Variants in FGF12 observed in about 807,000 individuals in gnomAD.
FGF12 encodes the protein fibroblast growth factor 12B.
FGF12 carries 14 observed loss-of-function variants against 23.6 expected under a neutral mutation model. The observed-to-expected ratio is 0.59, with a 90% CI of 0.39 to 0.93. The LOEUF is 0.93. FGF12 is among the 40% of genes least tolerant of loss of function. The pLI is 0.00. For synonymous variants in FGF12, 62 were observed against 77.3 expected (o/e 0.80, Z 1.04); for missense variants, 175 against 217.8 (o/e 0.80, Z 1.24).
intron 4 of FGF12, among the ~76,000 whole-genome samples, chr3:192,296,836 G>A (rs1202765290): frequency 6.6e-5 from 10 of 152,098 alleles, no homozygotes; most frequent in Admixed American, 4.6e-4. Flanking sequence ...AACATGTGGA[G>A]TACTTAGTTT....
chr3:192,336,621 G>A lies in FGF12; in HGVS notation c.125-1157C>T, dbSNP rs1717430827. ...TCTCTGCAGTTCATTTCAGTATCCT[G>A]GCTTAATTAGAAGTTCTTATCCACT... On this transcript the variant is annotated intron_variant, in intron 3 of 5. Coordinates refer to ENST00000445105, the MANE Select transcript of FGF12 (RefSeq NM_004113.6). This position sits in a 1 kb window ranked among gnomAD's most constrained non-coding sequence, Gnocchi z 4.3. Among the ~76,000 whole-genome samples, 3 of 152,066 alleles carry A rather than the reference G, an allele frequency of 2.0e-5. No individual in the cohort carries two copies. The highest frequency in any genetic ancestry group is 6.6e-5 in the Admixed American group (1 of 15,250).
At chr3:192,424,838 T>A (rs1721644545) in intron 2 of FGF12, among the ~76,000 whole-genome samples, 1 of 152,100 alleles carries the variant, frequency 6.6e-6, no homozygotes, top group Admixed American at 6.6e-5. Context: ...AACTTTGCAA[T>A]AGGCCATGTT....
intron 2 of FGF12, among the ~76,000 whole-genome samples, chr3:192,655,877 G>C (rs4687351): frequency 6.6e-6 from 1 of 151,268 alleles, no homozygotes; most frequent in Non-Finnish European, 1.5e-5. Context: ...ATGGGAAGAG[G>C]TGAACACAAG....
intron 2 of FGF12, among the ~76,000 whole-genome samples, chr3:192,596,972 A>G (rs899962710): frequency 6.6e-6 from 1 of 152,216 alleles, no homozygotes; most frequent in Non-Finnish European, 1.5e-5. Flanking sequence ...TTGACCAGCT[A>G]TGATACCTTG....
intron 2 of FGF12, among the ~76,000 whole-genome samples, chr3:192,498,417 T>C (rs998829604): frequency 1.3e-5 from 2 of 152,254 alleles, no homozygotes; most frequent in African/African-American, 4.8e-5. Context: ...TGATGTTCAT[T>C]AATGTGGTTG....
In FGF12 at chr3:192,335,463, A is replaced by G; in HGVS notation, c.126T>C (p.Thr42=). The G allele has an allele frequency of 6.2e-7, 1 of 1,603,414 alleles. No homozygotes were observed. Among genetic ancestry groups the G allele is most frequent in the Non-Finnish European group, 8.5e-7 (1 of 1,170,670 alleles). The change falls in exon 4 of 6, where the codon ACT becomes ACC. Residue 42 remains threonine, a splice_region_variant and synonymous_variant. Transcript: ENST00000445105. ...DGTKDENSDY[T]LFNLIPVGLR... is the part of the protein sequence containing the mutation. ...GGCCCACGGGAATTAGATTGAAGAG[A>G]GCTGGGGGGAGAAAAAGAAGGGCGG...
intron 2 of FGF12, among the ~76,000 whole-genome samples, chr3:192,370,097 A>T (rs57958468): frequency 6.6e-6 from 1 of 152,146 alleles, no homozygotes; most frequent in African/African-American, 2.4e-5. Context: ...GGTGAAGGAA[A>T]TATGGGGGTG....
chr3:192,481,902 G>C (rs1401367909), intron 2 of FGF12, among the ~76,000 whole-genome samples: 7 of 152,154 alleles, frequency 4.6e-5, no homozygotes. Context: ...CCTATAGTCA[G>C]AGAATAATAA....
At chr3:192,660,416 T>C (rs565470436) in intron 2 of FGF12, among the ~76,000 whole-genome samples, 5 of 147,220 alleles carry the variant, frequency 3.4e-5, no homozygotes, top group Admixed American at 2.0e-4. Flanking sequence ...TGTTAAATGA[T>C]GAGTTAATGG....
intron 2 of FGF12, among the ~76,000 whole-genome samples, chr3:192,507,600 C>T (rs1724353406): frequency 6.6e-6 from 1 of 152,124 alleles, no homozygotes; most frequent in South Asian, 2.1e-4. Context: ...TCTCCATATT[C>T]CGTACCATGG....
intron 2 of FGF12, among the ~76,000 whole-genome samples, chr3:192,520,911 C>T (rs957310642): frequency 2.0e-5 from 3 of 152,132 alleles, no homozygotes; most frequent in Non-Finnish European, 4.4e-5. Context: ...CTATTATAAA[C>T]AATGCTGCAA....
chr3:192,666,831 G>A (rs1382303509), intron 2 of FGF12, among the ~76,000 whole-genome samples: 3 of 152,028 alleles, frequency 2.0e-5, no homozygotes, highest in Non-Finnish European at 4.4e-5. Context: ...AAGAGTAAAT[G>A]TTTAGTGTGC....
At chr3:192,600,068 G>A (rs1714049064) in intron 2 of FGF12, among the ~76,000 whole-genome samples, 1 of 152,006 alleles carries the variant, frequency 6.6e-6, no homozygotes, top group East Asian at 1.9e-4. Flanking sequence ...TTTTGTGTAG[G>A]AAGAGAAGCA....
chr3:192,173,440 A>T (rs1715682639), intron 4 of FGF12, among the ~76,000 whole-genome samples: 1 of 151,514 alleles, frequency 6.6e-6, no homozygotes, highest in South Asian at 2.1e-4. Context: ...TTGTCTCAAT[A>T]TTGCCAGGAC....
intron 3 of FGF12, among the ~76,000 whole-genome samples, chr3:192,339,068 T>A (rs1717559217): frequency 6.6e-6 from 1 of 152,216 alleles, no homozygotes; most frequent in South Asian, 2.1e-4. Context: ...AAGTTTTATA[T>A]GAACCACAAC....
At chr3:192,392,428 A>AATAAATAC (rs1461645925) in intron 2 of FGF12, among the ~76,000 whole-genome samples, 5 of 150,658 alleles carry the variant, frequency 3.3e-5, no homozygotes, top group Non-Finnish European at 1.5e-5. Context: ...TAAATAAATA[A>AATAAATAC]ATAAATAAAT....
intron 2 of FGF12, among the ~76,000 whole-genome samples, chr3:192,412,171 T>C (rs563141416): frequency 1.8e-4 from 28 of 152,192 alleles, no homozygotes; most frequent in Non-Finnish European, 3.4e-4. Context: ...ATATAGTACA[T>C]TTCTCCAGAA....
intron 2 of FGF12, among the ~76,000 whole-genome samples, chr3:192,522,144 G>A (rs945804883): frequency 4.0e-5 from 6 of 149,610 alleles, no homozygotes; most frequent in Non-Finnish European, 8.8e-5. Flanking sequence ...CTTGCAATGA[G>A]CCGAGATCGC....
intron 2 of FGF12, among the ~76,000 whole-genome samples, chr3:192,511,599 A>C (rs1724480080): frequency 6.6e-6 from 1 of 152,192 alleles, no homozygotes; most frequent in Non-Finnish European, 1.5e-5. Flanking sequence ...CTAAAAACTT[A>C]ATATATTATC....
Sources: allele counts gnomAD v4.1 joint callset (sites outside exome capture counted in the v4.1 genomes callset), GRCh38; gene constraint gnomAD v4.1.1; non-coding constraint Gnocchi (gnomAD v3.1); transcripts MANE v1.5; gene names NCBI Gene and HGNC (gene_info 2026-07-23, HGNC 2026-07-21).